The following FLT4 variants were observed in gnomAD, a reference collection of about 807,000 sequenced individuals.
FLT4 encodes fms related receptor tyrosine kinase 4.
A neutral mutation model predicts 163.2 loss-of-function variants in FLT4; 30 were observed. The observed-to-expected ratio is 0.18, with a 90% CI of 0.14 to 0.25. FLT4 has a LOEUF of 0.25. Ranked by LOEUF, FLT4 falls within the 10% of genes least tolerant of loss-of-function variation. The pLI is 1.00. For missense variants in FLT4, 1,510 were observed against 1,863.8 expected, an observed-to-expected ratio of 0.81 and a Z score of 3.50; for synonymous variants, 884 against 789.5, an observed-to-expected ratio of 1.12 and a Z score of -2.01.
At position 180,620,029 on chromosome 5, in the gene FLT4, T is replaced by C. The variant is rs1763002030; in HGVS notation, c.2542+144A>G. ...GAACTGGGGACCCTGGCTGAGGTTC[T>C]AGGTACCCACGCCCACAGGGACAGG... On this transcript the variant is annotated intron_variant, in intron 17 of 29. Transcript: ENST00000261937. The surrounding 1 kb of genome is among the most constrained non-coding windows in gnomAD (Gnocchi z 4.4). The C allele has an allele frequency of 1.9e-6, 2 of 1,063,414 alleles. No individual in the cohort carries two copies. The highest frequency in any genetic ancestry group is 2.7e-6 in the Non-Finnish European group (2 of 732,996). 65.9% of individuals were successfully genotyped at this position (1,063,414 alleles called of 1,614,324 possible).
chr5:180,640,726 C>CA (rs1238798932), intron 1 of FLT4, among the ~76,000 whole-genome samples: 1 of 152,184 alleles, frequency 6.6e-6, no homozygotes, highest in Non-Finnish European at 1.5e-5. Flanking sequence ...ATGTGGGAGT[C>CA]GGCCCCTCCC....
At chr5:180,648,453 A>G (rs1331617989) in intron 1 of FLT4, among the ~76,000 whole-genome samples, 3 of 152,170 alleles carry the variant, frequency 2.0e-5, no homozygotes, top group African/African-American at 7.2e-5. Flanking sequence ...TGTGAGAATT[A>G]CAAGCATGTA....
intron 28 of FLT4, chr5:180,609,446 C>T (rs1762009158): frequency 5.1e-6 from 2 of 390,764 alleles, no homozygotes; most frequent in African/African-American, 2.0e-5. Flanking sequence ...TGTTATCCTT[C>T]GACTGTGGCT....
In FLT4 at chr5:180,634,109, A is replaced by G. The variant is rs189789838; in HGVS notation, c.59-2331T>C. Among the ~76,000 whole-genome samples, 389 of 152,284 alleles carry G rather than the reference A, an allele frequency of 2.6e-3. 2 individuals are homozygous for G. The highest frequency in any genetic ancestry group is 8.7e-3 in the African/African-American group (360 of 41,560). The stretch of plus-strand genomic sequence containing the variant: ...TCTCCAGCTTCCTCTCCTAGGAGGC[A>G]TGGACCTCCTCCTCCCATCCTCCCA... On this transcript the variant is annotated intron_variant, in intron 1 of 29. Transcript: ENST00000261937.
At chr5:180,643,419 G>A (rs569042131) in intron 1 of FLT4, among the ~76,000 whole-genome samples, 2 of 152,222 alleles carry the variant, frequency 1.3e-5, no homozygotes, top group African/African-American at 4.8e-5. Context: ...ACCCCTCCCG[G>A]GCATTGCAGG....
chr5:180,614,276 C>G, intron 23 of FLT4, 97 bp from the exon 24 acceptor site: 1 of 475,212 alleles, frequency 2.1e-6, no homozygotes. Context: ...GCGTGTCCTG[C>G]GGTGGATGGG....
chr5:180,628,693 G>A (rs530046199), intron 8 of FLT4, among the ~76,000 whole-genome samples, 189 bp downstream of exon 8: 12 of 152,358 alleles, frequency 7.9e-5, no homozygotes, highest in Admixed American at 1.3e-4. Flanking sequence ...GGAACAGACA[G>A]ACCTTCCATC....
intron 1 of FLT4, among the ~76,000 whole-genome samples, chr5:180,645,018 G>A (rs1765413351): frequency 6.6e-6 from 1 of 152,226 alleles, no homozygotes; most frequent in Non-Finnish European, 1.5e-5. Flanking sequence ...TGCTGGGGCT[G>A]GTGTGTGCAG....
rs766969278 is a variant in FLT4 at position 180,620,858 on chromosome 5, T to G, written c.2299+18A>C. 3 of 1,609,574 alleles carry G rather than the reference T, an allele frequency of 1.9e-6. No homozygotes were observed. The highest frequency in any genetic ancestry group is 2.5e-6 in the Non-Finnish European group (3 of 1,178,852). Reference sequence around the variant, plus strand: ...TGGGGACGGGAAGGGAGTTGAGGGGTGCAGCCTGAGGCCAGACCTTCCACG... The same window carrying G: ...TGGGGACGGGAAGGGAGTTGAGGGGGGCAGCCTGAGGCCAGACCTTCCACG... On this transcript the variant is annotated intron_variant, in intron 15 of 29. Transcript: ENST00000261937. This position sits in a 1 kb window ranked among gnomAD's most constrained non-coding sequence, Gnocchi z 4.4.
Position 180,645,619 on chromosome 5 carries a change from CTGG to C in FLT4, c.58+3866_58+3868del, listed in dbSNP as rs1336717207. ...ACTCACCACCTGGATCTACCCAGGC[CTGG>C]CCGTGGGCTAGGGTGGTGCGGGCCT... On this transcript the variant is annotated intron_variant, in intron 1 of 29. Coordinates refer to ENST00000261937, the MANE Select transcript of FLT4 (RefSeq NM_182925.5). 2.3e-4 allele frequency among the ~76,000 whole-genome samples: 35 copies of C among 152,326 alleles called. No homozygotes were observed. The South Asian group carries it at 6.6e-3, about 29-fold the overall frequency.
In FLT4 at chr5:180,636,633, C is replaced by T. The variant is rs1213080969; in HGVS notation, c.59-4855G>A. ...CACCAGCACCCTGGCCTCTGAGATC[C>T]CCCCTGCACGGCCCTCACATCTTCT... On this transcript the variant is annotated intron_variant, in intron 1 of 29. Coordinates refer to ENST00000261937, the MANE Select transcript of FLT4 (RefSeq NM_182925.5). The surrounding 1 kb of genome is among the most constrained non-coding windows in gnomAD (Gnocchi z 4.3). Among the ~76,000 whole-genome samples the T allele has an allele frequency of 1.3e-5, 2 of 151,916 alleles. No individual in the cohort carries two copies. The highest frequency in any genetic ancestry group is 2.9e-5 in the Non-Finnish European group (2 of 67,964).
At chr5:180,648,423 A>C (rs576826487) in intron 1 of FLT4, among the ~76,000 whole-genome samples, 1 of 152,330 alleles carries the variant, frequency 6.6e-6, no homozygotes, top group East Asian at 1.9e-4. Context: ...CTCCATGTGT[A>C]AAATGGGTCT....
chr5:180,646,816 G>A (rs765652521), intron 1 of FLT4, among the ~76,000 whole-genome samples: 2 of 152,146 alleles, frequency 1.3e-5, no homozygotes, highest in African/African-American at 4.8e-5. Flanking sequence ...TGAAGAATTC[G>A]CCAGACAGAC....
intron 1 of FLT4, among the ~76,000 whole-genome samples, chr5:180,643,151 A>C (rs1765248673): frequency 6.6e-6 from 1 of 152,236 alleles, no homozygotes; most frequent in South Asian, 2.1e-4. Flanking sequence ...TCAGCGTGGG[A>C]AACCCTGCTC....
At chr5:180,643,431 G>T (rs547976730) in intron 1 of FLT4, among the ~76,000 whole-genome samples, 26 of 152,142 alleles carry the variant, frequency 1.7e-4, no homozygotes, top group Admixed American at 1.7e-3. Flanking sequence ...CATTGCAGGC[G>T]TGCTGTCCCT....
rs1763966902 is a variant in FLT4, at chr5:180,630,055, C to T, written c.564G>A (p.Arg188=). The T allele has an allele frequency of 6.2e-7, 1 of 1,612,802 alleles. No individual in the cohort carries two copies. Among genetic ancestry groups the T allele is most frequent in the Non-Finnish European group, 8.5e-7 (1 of 1,180,020 alleles). Residue 188 remains arginine (R), a synonymous_variant, in exon 5 of 30, where the codon CGG becomes CGA. Transcript: ENST00000261937. This position sits in a 1 kb window ranked among gnomAD's most constrained non-coding sequence, Gnocchi z 6.3. ...GTGGCGTGGACACGAGCATGCCCCG[C>T]CGGTCATCCCACACCACCTCCTGCC... ...PDGQEVVWDD[R]RGMLVSTPLL...
chr5:180,621,145 C>A lies in FLT4; in HGVS notation c.2128G>T (p.Val710Leu), dbSNP rs758234191. The A allele has an allele frequency of 6.2e-7, 1 of 1,612,844 alleles. No individual in the cohort carries two copies. Among genetic ancestry groups the A allele is most frequent in the Non-Finnish European group, 8.5e-7 (1 of 1,179,994 alleles). Reference sequence around the variant, plus strand: ...AGCAGCCTCTCGTCTTTGTACCACACGATGCTGGGCGCGTGCGCTCCGGCC... The same window carrying A: ...AGCAGCCTCTCGTCTTTGTACCACAAGATGCTGGGCGCGTGCGCTCCGGCC... Reference protein sequence around the residue: ...LVAGAHAPSIVWYKDERLLEE... With the variant: ...LVAGAHAPSILWYKDERLLEE... The change falls in exon 14 of 30, where the codon GTG becomes TTG. Residue 710 changes from valine (V) to leucine (L), a missense_variant. Val to Leu is a conservative substitution (Grantham distance 32). Coordinates refer to ENST00000261937, the MANE Select transcript of FLT4 (RefSeq NM_182925.5).
At chr5:180,645,089 G>A (rs372803350) in intron 1 of FLT4, among the ~76,000 whole-genome samples, 6 of 152,242 alleles carry the variant, frequency 3.9e-5, no homozygotes, top group Non-Finnish European at 7.3e-5. Flanking sequence ...AGGAAGGGCC[G>A]GTACCACGAG....
chr5:180,610,907 A>G (rs1762122139), intron 27 of FLT4, among the ~76,000 whole-genome samples: 1 of 152,168 alleles, frequency 6.6e-6, no homozygotes, highest in Non-Finnish European at 1.5e-5. Context: ...AATACAAAAA[A>G]TTAGCCAGGC....
Sources: gnomAD v4.1 joint callset for allele counts (sites outside exome capture counted in the v4.1 genomes callset) on GRCh38, gnomAD v4.1.1 for gene constraint, Gnocchi (gnomAD v3.1) non-coding constraint, MANE v1.5 for transcripts, NCBI Gene and HGNC (gene_info 2026-07-23, HGNC 2026-07-21) for gene names.